Variants in LEPR observed in about 807,000 individuals in gnomAD.
LEPR encodes the protein leptin receptor.
In LEPR, 56 loss-of-function variants were observed where a neutral mutation model predicts 114.7. That is an observed-to-expected ratio of 0.49 (90% CI 0.39 to 0.61). LEPR has a LOEUF of 0.61. LEPR is among the 20% of genes least tolerant of loss of function. The probability of loss-of-function intolerance (pLI) is 0.00; values close to 1 mark genes in which losing one functional copy is unlikely to be tolerated. For missense variants in LEPR, 1,202 were observed against 1,352.9 expected (o/e 0.89, Z 1.75); for synonymous variants, 443 against 461.4 (o/e 0.96, Z 0.51).
At chr1:65,484,271 C>A (rs1322099794) in intron 2 of LEPR, among the ~76,000 whole-genome samples, 9 of 152,056 alleles carry the variant, frequency 5.9e-5, no homozygotes, top group Admixed American at 2.6e-4. Flanking sequence ...AATCAGGGGA[C>A]ATGAAATTCC....
chr1:65,524,524 T>C (rs1213279056), intron 2 of LEPR, among the ~76,000 whole-genome samples: 9 of 152,190 alleles, frequency 5.9e-5, no homozygotes, highest in Admixed American at 4.6e-4. Flanking sequence ...TATAGCAAGG[T>C]TCCTTCCATA....
chr1:65,472,615 G>GACACACACACACACACACACACAC (rs77182938), intron 2 of LEPR, among the ~76,000 whole-genome samples: 3 of 137,076 alleles, frequency 2.2e-5, no homozygotes, highest in African/African-American at 8.4e-5. Context: ...TATATATATA[G>GACACACACACACACACACACACAC]ACACACACAC....
chr1:65,443,315 A>G (rs2100290108), intron 2 of LEPR, among the ~76,000 whole-genome samples: 1 of 152,220 alleles, frequency 6.6e-6, no homozygotes, highest in African/African-American at 2.4e-5. Context: ...GCATTTTGGG[A>G]GGCTGAGGTG....
intron 2 of LEPR, among the ~76,000 whole-genome samples, chr1:65,449,398 TC>T (rs1164652391): frequency 6.6e-6 from 1 of 152,194 alleles, no homozygotes; most frequent in South Asian, 2.1e-4. Context: ...CAGGTGGGTC[TC>T]CTGTTCCCTG....
intron 3 of LEPR, among the ~76,000 whole-genome samples, chr1:65,567,755 T>C (rs1349791749): frequency 6.6e-6 from 1 of 152,204 alleles, no homozygotes; most frequent in Non-Finnish European, 1.5e-5. Context: ...AAAGCCTTTA[T>C]TTTTTAGAGC....
chr1:65,467,921 CT>C (rs1647035298), intron 2 of LEPR, among the ~76,000 whole-genome samples: 1 of 152,160 alleles, frequency 6.6e-6, no homozygotes, highest in African/African-American at 2.4e-5. Flanking sequence ...CAGGAGTGTA[CT>C]TTTTCTCCAG....
intron 5 of LEPR, among the ~76,000 whole-genome samples, chr1:65,587,893 G>C (rs1032671071): frequency 2.6e-5 from 4 of 151,936 alleles, no homozygotes; most frequent in African/African-American, 9.7e-5. Context: ...GTTTATTATA[G>C]CTTCTAAAGC....
intron 2 of LEPR, among the ~76,000 whole-genome samples, chr1:65,454,721 T>A (rs1217327567): frequency 1.3e-5 from 2 of 152,186 alleles, no homozygotes; most frequent in African/African-American, 4.8e-5. Flanking sequence ...TAACATTTTT[T>A]CCTTCATTTC....
intron 2 of LEPR, among the ~76,000 whole-genome samples, chr1:65,429,174 A>G (rs1646436510): frequency 6.6e-6 from 1 of 152,118 alleles, no homozygotes; most frequent in Non-Finnish European, 1.5e-5. Context: ...GACCAGGGAA[A>G]GTTCTGCTTT....
chr1:65,628,164 A>G (rs1162357181), intron 19 of LEPR, among the ~76,000 whole-genome samples: 3 of 152,162 alleles, frequency 2.0e-5, no homozygotes, highest in Admixed American at 6.5e-5. Flanking sequence ...ATAATACCAT[A>G]TGTGATTAAA....
chr1:65,475,956 G>A (rs1647154428), intron 2 of LEPR, among the ~76,000 whole-genome samples: 1 of 151,736 alleles, frequency 6.6e-6, no homozygotes, highest in Non-Finnish European at 1.5e-5. Context: ...GGTTGAGTCT[G>A]CAGTGAGCCA....
At chr1:65,424,768 A>C (rs1253261266) in intron 1 of LEPR, among the ~76,000 whole-genome samples, 13 of 152,170 alleles carry the variant, frequency 8.5e-5, no homozygotes, top group Admixed American at 6.5e-4. Context: ...ACAGAGGGAG[A>C]GAAACACAGA....
chr1:65,487,777 A>G (rs894026642), intron 2 of LEPR, among the ~76,000 whole-genome samples: 1 of 152,068 alleles, frequency 6.6e-6, no homozygotes. Flanking sequence ...ATATTTTGAT[A>G]CAGGCTACAA....
At chr1:65,590,608 A>C (rs924241098) in intron 5 of LEPR, among the ~76,000 whole-genome samples, 4 of 108,642 alleles carry the variant, frequency 3.7e-5, no homozygotes, top group Admixed American at 3.4e-4. Context: ...TCCTTCCACC[A>C]TGATTCTAAG....
intron 2 of LEPR, among the ~76,000 whole-genome samples, chr1:65,523,902 CAA>C (rs1649770773): frequency 6.6e-6 from 1 of 152,096 alleles, no homozygotes; most frequent in African/African-American, 2.4e-5. Flanking sequence ...TCCCTAAATC[CAA>C]AGACAAATGT....
At chr1:65,458,586 T>G (rs1646907063) in intron 2 of LEPR, among the ~76,000 whole-genome samples, 1 of 152,162 alleles carries the variant, frequency 6.6e-6, no homozygotes, top group East Asian at 1.9e-4. Flanking sequence ...TTTGTTTTTG[T>G]TTTTTTGCCT....
At chr1:65,433,548 T>A (rs1646517097) in intron 2 of LEPR, 2 of 985,434 alleles carry the variant, frequency 2.0e-6, no homozygotes, top group Non-Finnish European at 2.4e-6. Flanking sequence ...AGGCTTGTGA[T>A]CTGAGTAATT....
intron 17 of LEPR, among the ~76,000 whole-genome samples, chr1:65,620,832 G>A (rs993612638): frequency 6.6e-6 from 1 of 152,194 alleles, no homozygotes; most frequent in African/African-American, 2.4e-5. Flanking sequence ...TAACATTGCA[G>A]TTTCCAAGAG....
chr1:65,492,747 T>G (rs1647941863), intron 2 of LEPR, among the ~76,000 whole-genome samples: 1 of 151,880 alleles, frequency 6.6e-6, no homozygotes, highest in Non-Finnish European at 1.5e-5. Context: ...ATAGCTTCAG[T>G]GGTTATGTTA....
Sources: allele counts gnomAD v4.1 joint callset (sites outside exome capture counted in the v4.1 genomes callset), GRCh38; gene constraint gnomAD v4.1.1; transcripts MANE v1.5; gene names NCBI Gene and HGNC (gene_info 2026-07-23, HGNC 2026-07-21).